Variants in SNTG1 observed in about 807,000 individuals in gnomAD.
SNTG1 encodes the protein syntrophin gamma 1.
SNTG1 carries 39 observed loss-of-function variants against 74.7 expected under a neutral mutation model. The ratio of observed to expected loss-of-function variants is 0.52; its 90% CI spans 0.40 to 0.68. The LOEUF (loss-of-function observed/expected upper bound fraction) is 0.68. Ranked by LOEUF, SNTG1 falls within the 30% of genes least tolerant of loss-of-function variation. The probability of loss-of-function intolerance (pLI) is 0.00; values close to 1 mark genes in which losing one functional copy is unlikely to be tolerated. For missense variants in SNTG1, 685 were observed against 609.5 expected, an observed-to-expected ratio of 1.12 and a Z score of -1.30; for synonymous variants, 254 against 217.1, an observed-to-expected ratio of 1.17 and a Z score of -1.49.
chr8:50,491,722 TTTATTTATTTATTTTAC>T (rs1353517084), intron 8 of SNTG1, among the ~76,000 whole-genome samples: 1 of 151,914 alleles, frequency 6.6e-6, no homozygotes, highest in Non-Finnish European at 1.5e-5. Flanking sequence ...TATTTATTTA[TTTATTTATTTATTTTAC>T]TTTAAGTTCT....
intron 8 of SNTG1, among the ~76,000 whole-genome samples, chr8:50,478,905 CTCT>C (rs1363839922): frequency 6.6e-6 from 1 of 151,970 alleles, no homozygotes; most frequent in African/African-American, 2.4e-5. Context: ...TATGAAATTC[CTCT>C]TATTTTAATT....
At chr8:49,962,958 A>G (rs1810829512) in intron 1 of SNTG1, among the ~76,000 whole-genome samples, 1 of 152,136 alleles carries the variant, frequency 6.6e-6, no homozygotes, top group African/African-American at 2.4e-5. Flanking sequence ...ATCTGGCAGG[A>G]GCAGGGGTAC....
At chr8:50,310,099 A>G (rs1311742361) in intron 2 of SNTG1, among the ~76,000 whole-genome samples, 1 of 152,218 alleles carries the variant, frequency 6.6e-6, no homozygotes, top group African/African-American at 2.4e-5. Flanking sequence ...TCGTACATCT[A>G]AGCTTACAGT....
intron 1 of SNTG1, among the ~76,000 whole-genome samples, chr8:50,123,025 C>T (rs1258831345): frequency 2.8e-5 from 4 of 142,532 alleles, no homozygotes; most frequent in East Asian, 4.0e-4. Flanking sequence ...AGAAACTAAG[C>T]GGAAGCCCGT....
chr8:49,976,630 A>G (rs1339775729), intron 1 of SNTG1, among the ~76,000 whole-genome samples: 2 of 152,166 alleles, frequency 1.3e-5, no homozygotes, highest in Non-Finnish European at 2.9e-5. Flanking sequence ...TGAATTTTAA[A>G]CTGAGATGTA....
At chr8:50,684,424 G>A (rs1237013349) in intron 15 of SNTG1, among the ~76,000 whole-genome samples, 1 of 152,006 alleles carries the variant, frequency 6.6e-6, no homozygotes, top group Admixed American at 6.6e-5. Flanking sequence ...TGTTTTGTGT[G>A]TCTCTTGTTT....
chr8:49,925,285 C>A (rs1437976105), intron 1 of SNTG1, among the ~76,000 whole-genome samples: 1 of 152,210 alleles, frequency 6.6e-6, no homozygotes, highest in Non-Finnish European at 1.5e-5. Context: ...ACATAAATTT[C>A]TCATGAAAAC....
intron 2 of SNTG1, among the ~76,000 whole-genome samples, chr8:50,291,315 A>G (rs2089094533): frequency 6.6e-6 from 1 of 152,030 alleles, no homozygotes; most frequent in Non-Finnish European, 1.5e-5. Flanking sequence ...GAAAAACAAA[A>G]CAGGGTAGAA....
intron 2 of SNTG1, among the ~76,000 whole-genome samples, chr8:50,182,567 G>A (rs1262908164): frequency 6.6e-6 from 1 of 151,966 alleles, no homozygotes; most frequent in Non-Finnish European, 1.5e-5. Flanking sequence ...AGTTATAAAA[G>A]TAGCCCTATT....
At chr8:50,550,173 A>G (rs141568289) in intron 11 of SNTG1, among the ~76,000 whole-genome samples, 2,201 of 152,214 alleles carry the variant, frequency 0.014, 22 homozygotes, top group Non-Finnish European at 0.024. Flanking sequence ...AAGCCACACA[A>G]ATCTAGCCAC....
chr8:49,945,196 G>A (rs1183571931), intron 1 of SNTG1, among the ~76,000 whole-genome samples: 2 of 152,018 alleles, frequency 1.3e-5, no homozygotes, highest in East Asian at 1.9e-4. Flanking sequence ...TTTAGTCTTT[G>A]GATTTACATT....
intron 13 of SNTG1, among the ~76,000 whole-genome samples, chr8:50,619,678 C>G (rs1167568420): frequency 6.6e-6 from 1 of 150,852 alleles, no homozygotes; most frequent in Non-Finnish European, 1.5e-5. Flanking sequence ...TTGCAGTGAG[C>G]CGAGATCGTG....
chr8:50,273,746 A>G (rs1586920517), intron 2 of SNTG1, among the ~76,000 whole-genome samples: 1 of 152,190 alleles, frequency 6.6e-6, no homozygotes, highest in Non-Finnish European at 1.5e-5. Context: ...GGGAATAATC[A>G]TGCCAAGGTC....
chr8:50,740,192 G>A (rs1293217627), intron 17 of SNTG1, among the ~76,000 whole-genome samples: 3 of 151,772 alleles, frequency 2.0e-5, no homozygotes, highest in African/African-American at 4.8e-5. Flanking sequence ...ACAACCAACA[G>A]AATGGGAGAA....
intron 3 of SNTG1, among the ~76,000 whole-genome samples, chr8:50,400,000 A>G (rs149828744): frequency 9.2e-5 from 14 of 152,336 alleles, no homozygotes; most frequent in Non-Finnish European, 1.5e-4. Context: ...CTAGAATAAT[A>G]TAAGAGTGTA....
chr8:50,376,754 TATAGAGAG>T (rs1250887488), intron 2 of SNTG1, among the ~76,000 whole-genome samples: 54 of 100,304 alleles, frequency 5.4e-4, no homozygotes, highest in Middle Eastern at 6.3e-3. Context: ...TATATATATA[TATAGAGAG>T]AGAGAGAGAG....
At chr8:50,784,916 G>A (rs1234492994) in intron 18 of SNTG1, among the ~76,000 whole-genome samples, 2 of 151,964 alleles carry the variant, frequency 1.3e-5, no homozygotes, top group African/African-American at 4.8e-5. Flanking sequence ...TGAAACATAT[G>A]CAAATATGAG....
intron 9 of SNTG1, among the ~76,000 whole-genome samples, chr8:50,529,550 ACT>A (rs1273403439): frequency 6.6e-6 from 1 of 152,026 alleles, no homozygotes; most frequent in African/African-American, 2.4e-5. Flanking sequence ...AACTATTGTG[ACT>A]CTAACACTTA....
chr8:50,413,742 G>A (rs189985187), intron 4 of SNTG1, among the ~76,000 whole-genome samples: 10 of 152,164 alleles, frequency 6.6e-5, no homozygotes, highest in African/African-American at 2.4e-4. Flanking sequence ...ATTTTCTTAC[G>A]TTTTTTCATA....
Sources: allele counts gnomAD v4.1 joint callset (sites outside exome capture counted in the v4.1 genomes callset), GRCh38; gene constraint gnomAD v4.1.1; transcripts MANE v1.5; gene names NCBI Gene and HGNC (gene_info 2026-07-23, HGNC 2026-07-21).